RABGEF1: variants seen among roughly 807,000 people sequenced by gnomAD.
RABGEF1 encodes the protein rab5 GDP/GTP exchange factor.
Under a neutral mutation model 57.3 loss-of-function variants are expected in RABGEF1, and 26 were observed. The ratio of observed to expected loss-of-function variants is 0.45; its 90% CI spans 0.33 to 0.63. The LOEUF is 0.63. Ranked by LOEUF, RABGEF1 falls within the 20% of genes least tolerant of loss-of-function variation. The pLI, the probability that RABGEF1 is intolerant of heterozygous loss-of-function variation, is 0.02. For missense variants in RABGEF1, 464 were observed against 607.6 expected (o/e 0.76, Z 2.48); for synonymous variants, 185 against 210.7 (o/e 0.88, Z 1.06).
At chr7:66,741,964 G>C (rs1014198043) in intron 1 of RABGEF1, among the ~76,000 whole-genome samples, 1 of 149,552 alleles carries the variant, frequency 6.7e-6, no homozygotes, top group East Asian at 2.0e-4. Flanking sequence ...GTGAAACCCC[G>C]TCTCTACTAC....
chr7:66,794,390 A>T (rs1055624792), intron 4 of RABGEF1, among the ~76,000 whole-genome samples: 2 of 151,670 alleles, frequency 1.3e-5, no homozygotes, highest in Admixed American at 6.6e-5. Context: ...TCCTAGGCTC[A>T]ATCGATCCTC....
chr7:66,759,648 C>T (rs1803731893), intron 1 of RABGEF1, among the ~76,000 whole-genome samples: 1 of 152,120 alleles, frequency 6.6e-6, no homozygotes, highest in African/African-American at 2.4e-5. Flanking sequence ...TAGTGGAGAG[C>T]AAAGGGGGAG....
At chr7:66,795,463 T>G in intron 4 of RABGEF1, 48 bp from the exon 5 acceptor site, 1 of 1,479,250 alleles carries the variant, frequency 6.8e-7, no homozygotes, top group Non-Finnish European at 9.5e-7. Flanking sequence ...GAGCTGTGCT[T>G]CTGCACTTTG....
chr7:66,776,466 A>G (rs1440878956), intron 3 of RABGEF1, among the ~76,000 whole-genome samples: 2 of 152,152 alleles, frequency 1.3e-5, no homozygotes, highest in South Asian at 2.1e-4. Flanking sequence ...GCCAAGACAG[A>G]TGGATTACCT....
chr7:66,697,747 C>T (rs1326640750), intron 1 of RABGEF1, among the ~76,000 whole-genome samples: 2 of 152,120 alleles, frequency 1.3e-5, no homozygotes, highest in African/African-American at 4.8e-5. Flanking sequence ...TTTGAAGTGG[C>T]CGCTAGGCTG....
At chr7:66,729,720 ACTT>A (rs1428218890) in intron 2 of RABGEF1, among the ~76,000 whole-genome samples, 1 of 152,092 alleles carries the variant, frequency 6.6e-6, no homozygotes, top group Non-Finnish European at 1.5e-5. Flanking sequence ...ATCACTAAAT[ACTT>A]CTTAATAACC....
At chr7:66,774,876 A>G (rs1404884709) in intron 2 of RABGEF1, among the ~76,000 whole-genome samples, 2 of 152,216 alleles carry the variant, frequency 1.3e-5, no homozygotes, top group Admixed American at 6.5e-5. Context: ...GTGTTCTCAC[A>G]GCACTCAACT....
the RABGEF1 span, among the ~76,000 whole-genome samples, chr7:66,662,484 G>C: frequency 6.6e-6 from 1 of 152,290 alleles, no homozygotes; most frequent in African/African-American, 2.4e-5. Context: ...ACTTCTACCT[G>C]TCCCATGCCA....
At chr7:66,660,097 C>T in the RABGEF1 span, among the ~76,000 whole-genome samples, 1 of 151,956 alleles carries the variant, frequency 6.6e-6, no homozygotes, top group African/African-American at 2.4e-5. Flanking sequence ...CCTGTAATCC[C>T]AGCACTTTGG....
intron 1 of RABGEF1, among the ~76,000 whole-genome samples, chr7:66,690,435 C>A (rs1416786226): frequency 6.7e-6 from 1 of 150,176 alleles, no homozygotes; most frequent in Non-Finnish European, 1.5e-5. Context: ...GCCAAACTGG[C>A]TGGTCACAGT....
chr7:66,791,314 C>G (rs925698646), intron 4 of RABGEF1, among the ~76,000 whole-genome samples: 1 of 152,118 alleles, frequency 6.6e-6, no homozygotes, highest in Non-Finnish European at 1.5e-5. Flanking sequence ...AGTCTGTATT[C>G]TACTAGTTAC....
chr7:66,747,974 T>A (rs1211464792), intron 1 of RABGEF1, among the ~76,000 whole-genome samples: 3 of 152,226 alleles, frequency 2.0e-5, no homozygotes, highest in Admixed American at 2.0e-4. Context: ...AGGAATGAGC[T>A]GTGTACACAG....
chr7:66,722,189 C>T (rs1441411877), intron 2 of RABGEF1, among the ~76,000 whole-genome samples: 6 of 152,104 alleles, frequency 3.9e-5, no homozygotes, highest in Non-Finnish European at 8.8e-5. Flanking sequence ...CGCCTGTAAT[C>T]CCAGCACTCT....
chr7:66,655,321 C>G, the RABGEF1 span, among the ~76,000 whole-genome samples: 1 of 152,126 alleles, frequency 6.6e-6, no homozygotes, highest in Admixed American at 6.6e-5. Flanking sequence ...AGGGACTCTG[C>G]CGCTTTGGAG....
intron 1 of RABGEF1, among the ~76,000 whole-genome samples, chr7:66,709,265 G>C (rs1039776449): frequency 9.2e-5 from 14 of 152,082 alleles, no homozygotes; most frequent in African/African-American, 3.4e-4. Context: ...TTCCCAGAGT[G>C]CTGGGATTAT....
chr7:66,733,529 C>G (rs1797583411), intron 2 of RABGEF1, among the ~76,000 whole-genome samples: 1 of 151,978 alleles, frequency 6.6e-6, no homozygotes, highest in African/African-American at 2.4e-5. Context: ...AAACCCCCAT[C>G]TCTACTAAAA....
intron 1 of RABGEF1, among the ~76,000 whole-genome samples, chr7:66,708,159 T>TA (rs922897374): frequency 3.9e-5 from 6 of 152,212 alleles, no homozygotes; most frequent in Non-Finnish European, 5.9e-5. Context: ...GTTCTGTAGA[T>TA]ACTCTCTAGT....
intron 1 of RABGEF1, among the ~76,000 whole-genome samples, chr7:66,685,588 T>C (rs769838172): frequency 2.7e-4 from 41 of 152,254 alleles, no homozygotes; most frequent in Admixed American, 1.9e-3. Context: ...TAAACAGGAA[T>C]TCTGCACTCA....
chr7:66,754,093 C>T (rs952435732), intron 1 of RABGEF1, among the ~76,000 whole-genome samples: 1 of 149,596 alleles, frequency 6.7e-6, no homozygotes, highest in African/African-American at 2.4e-5. Flanking sequence ...ACGGCTGCTT[C>T]CTGGGTTCAA....
Sources: allele counts gnomAD v4.1 joint callset (sites outside exome capture counted in the v4.1 genomes callset), GRCh38; gene constraint gnomAD v4.1.1; transcripts MANE v1.5; gene names NCBI Gene and HGNC (gene_info 2026-07-23, HGNC 2026-07-21).